LZIC: variants seen among roughly 807,000 people sequenced by gnomAD.
LZIC encodes protein LZIC.
Under a neutral mutation model 25.4 loss-of-function variants are expected in LZIC, and 28 were observed. The observed-to-expected ratio is 1.10, with a 90% confidence interval of 0.82 to 1.51. The LOEUF (loss-of-function observed/expected upper bound fraction) is 1.51. Ranked by LOEUF, LZIC falls within the 40% of genes most tolerant of loss-of-function variation. The pLI, the probability that LZIC is intolerant of heterozygous loss-of-function variation, is 0.00. For missense variants in LZIC, 170 were observed against 211.1 expected, an observed-to-expected ratio of 0.81 and a Z score of 1.21; for synonymous variants, 65 against 70.7, an observed-to-expected ratio of 0.92 and a Z score of 0.40.
downstream of LZIC, among the ~76,000 whole-genome samples, chr1:9,925,886 CTTTTTTTTTTTT>C (rs70998325): frequency 1.2e-4 from 5 of 43,476 alleles, no homozygotes; most frequent in Admixed American, 8.1e-4. Flanking sequence ...CCACTCATGC[CTTTTTTTTTTTT>C]TTTTTTTTTT....
rs1640020759 is a variant in LZIC at position 9,927,404 on chromosome 1, T to G, written c.*2995A>C. On this transcript the variant is annotated 3_prime_UTR_variant, in exon 8 of 8. Transcript: ENST00000377223. ...GCAACCTCTGCTTCCCAGGTTCAGG[T>G]GATCCTCTGACCTCAGCTTCCTGAG... Among the ~76,000 whole-genome samples, 1 of 152,008 alleles carries G rather than the reference T, an allele frequency of 6.6e-6. No individual in the cohort carries two copies. The highest frequency in any genetic ancestry group is 1.5e-5 in the Non-Finnish European group (1 of 68,010).
chr1:9,938,695 A>G (rs576772342), intron 2 of LZIC, among the ~76,000 whole-genome samples: 1 of 152,280 alleles, frequency 6.6e-6, no homozygotes, highest in African/African-American at 2.4e-5. Flanking sequence ...TCGTCTCCTG[A>G]CTAAATTTTA....
At chr1:9,933,306 A>ATG (rs1557438495) in intron 5 of LZIC, among the ~76,000 whole-genome samples, 3 of 134,964 alleles carry the variant, frequency 2.2e-5, no homozygotes, top group Non-Finnish European at 4.6e-5. Context: ...ATATATACAC[A>ATG]TACATATAGC....
rs1241067304 is a variant in LZIC, at chr1:9,930,401, A to T, written c.571T>A (p.Ter191ArgextTer29). 2.5e-5 allele frequency: 41 copies of T among 1,613,578 alleles called. No homozygotes were observed. The highest frequency in any genetic ancestry group is 3.0e-5 in the Non-Finnish European group (35 of 1,179,742). Residue 191 changes from the stop codon to arginine (R), a stop_lost, in exon 8 of 8, where the codon TGA becomes AGA. Coordinates refer to ENST00000377223, the MANE Select transcript of LZIC (RefSeq NM_032368.5). ...ASFEVEKTKK[*>R] ...ATGTTACAAGCTTCTGCACCATGTC[A>T]TTTTTTTGTTTTTTCAACCTCAAAA... is the stretch of plus-strand genomic sequence containing the variant.
rs370783382 is a variant in LZIC at position 9,936,658 on chromosome 1, T to C, written c.-8-31A>G. The C allele has an allele frequency of 3.1e-5, 44 of 1,404,294 alleles. No homozygotes were observed. In the African/African-American group the frequency reaches 3.4e-4, roughly 11 times the overall value. 87.0% of individuals were successfully genotyped at this position (1,404,294 alleles called of 1,614,324 possible). On this transcript the variant is annotated intron_variant, in intron 2 of 7. Coordinates refer to ENST00000377223, the MANE Select transcript of LZIC (RefSeq NM_032368.5). ...TGAAACAATAAACCCACATACCATA[T>C]GAAATTAACATACCAGTGCAATTTT...
intron 2 of LZIC, among the ~76,000 whole-genome samples, chr1:9,938,589 G>C (rs1339207140): frequency 6.6e-6 from 1 of 152,146 alleles, no homozygotes; most frequent in Non-Finnish European, 1.5e-5. Context: ...GTCTTGCTCT[G>C]TCACCCAGGC....
chr1:9,931,442 T>C lies in LZIC; in HGVS notation c.514+449A>G, dbSNP rs752821063. The stretch of plus-strand genomic sequence containing the variant: ...CACACCCAGCTAATTTTTTGTGTTT[T>C]TCGTAGAGACAGGGTTTCACTGTAT... On this transcript the variant is annotated intron_variant, in intron 7 of 7. Transcript: ENST00000377223. Among the ~76,000 whole-genome samples, 124 of 152,236 alleles carry C rather than the reference T, an allele frequency of 8.1e-4. 1 individual carries two copies. The highest frequency in any genetic ancestry group is 2.9e-3 in the Admixed American group (45 of 15,266).
downstream of LZIC, among the ~76,000 whole-genome samples, chr1:9,923,856 G>T (rs1183304278): frequency 6.6e-6 from 1 of 151,844 alleles, no homozygotes; most frequent in African/African-American, 2.4e-5. Flanking sequence ...AGGTTCAAGC[G>T]ATTCTCCCGC....
chr1:9,939,882 G>GCA (rs565076507), intron 2 of LZIC, among the ~76,000 whole-genome samples: 113 of 152,200 alleles, frequency 7.4e-4, no homozygotes, highest in African/African-American at 2.3e-3. Flanking sequence ...ACTTTAGGAG[G>GCA]CTAAGGCAGG....
chr1:9,934,227 C>CAA (rs5772390), intron 5 of LZIC, among the ~76,000 whole-genome samples: 29 of 119,334 alleles, frequency 2.4e-4, no homozygotes, highest in South Asian at 5.3e-4. Context: ...GACCCCATCT[C>CAA]AAAAAAAAAA....
chr1:9,929,799 A>T lies in LZIC; in HGVS notation c.*600T>A. On this transcript the variant is annotated 3_prime_UTR_variant, in exon 8 of 8. Transcript: ENST00000377223. The stretch of plus-strand genomic sequence containing the variant: ...ACAAATAGTGTTAATTATTTTTTTT[A>T]AATGGTACAGAAATAAAATTCAAAA... 1.0e-6 allele frequency: 1 copy of T among 984,310 alleles called. No homozygotes were observed. The highest frequency in any genetic ancestry group is 1.2e-6 in the Non-Finnish European group (1 of 828,944). The allele number at this position is 984,310 out of a possible 1,614,324, so 61.0% of individuals were successfully genotyped here. A position where few individuals can be genotyped will look rare whatever the true frequency, so the allele number is the denominator to read the frequency against.
rs979099277 is a variant in LZIC, at chr1:9,929,537, A to G, written c.*862T>C. 7.1e-6 allele frequency: 7 copies of G among 985,418 alleles called. No individual in the cohort carries two copies. In the East Asian group the frequency reaches 7.9e-4, roughly 112 times the overall value. 61.0% of individuals were successfully genotyped at this position (985,418 alleles called of 1,614,324 possible). A position where few individuals can be genotyped will look rare whatever the true frequency, so the allele number is the denominator to read the frequency against. On this transcript the variant is annotated 3_prime_UTR_variant, in exon 8 of 8. Coordinates refer to ENST00000377223, the MANE Select transcript of LZIC (RefSeq NM_032368.5). Reference sequence around the variant, plus strand: ...CAGTTACCCCCCTCTGAGTGTGACAAGAGGTCACGCACAGGGAGGGCCTCT... The same window carrying G: ...CAGTTACCCCCCTCTGAGTGTGACAGGAGGTCACGCACAGGGAGGGCCTCT...
chr1:9,940,813 CA>C (rs1463307425), intron 2 of LZIC, among the ~76,000 whole-genome samples: 1 of 152,094 alleles, frequency 6.6e-6, no homozygotes, highest in Non-Finnish European at 1.5e-5. Flanking sequence ...GTATTATACC[CA>C]GAAGTGTAAT....
chr1:9,932,499 A>G (rs1438721483), intron 6 of LZIC, among the ~76,000 whole-genome samples: 2 of 151,518 alleles, frequency 1.3e-5, no homozygotes, highest in African/African-American at 4.8e-5. Context: ...CCTGGCCAAC[A>G]TGGTGAAACC....
At chr1:9,934,987 C>T (rs1289452379) in intron 4 of LZIC, 127 bp from the exon 5 acceptor site, 1 of 741,506 alleles carries the variant, frequency 1.3e-6, no homozygotes, top group Non-Finnish European at 2.4e-6. Flanking sequence ...AATTACACAA[C>T]TAAATGAAGA....
intron 2 of LZIC, among the ~76,000 whole-genome samples, chr1:9,938,063 A>T (rs975157098): frequency 2.0e-5 from 3 of 152,066 alleles, no homozygotes; most frequent in Admixed American, 6.6e-5. Flanking sequence ...ATATATATAT[A>T]TATGTAGATC....
downstream of LZIC, among the ~76,000 whole-genome samples, chr1:9,925,628 C>T (rs1316048221): frequency 1.3e-5 from 2 of 152,002 alleles, no homozygotes; most frequent in Non-Finnish European, 1.5e-5. Context: ...TCTCCTCTGT[C>T]GCCCAGGCTG....
rs1639999000 is a variant in LZIC at position 9,926,771 on chromosome 1, T to C, written c.*3628A>G. Among the ~76,000 whole-genome samples the C allele has an allele frequency of 6.7e-6, 1 of 149,904 alleles. No individual in the cohort carries two copies. ...AAGAATGTTGAAAGGTTAGCTGCCT[T>C]AGCTTTATTGCTGCCTATAATCTCC... is the stretch of plus-strand genomic sequence containing the variant. On this transcript the variant is annotated 3_prime_UTR_variant, in exon 8 of 8. Transcript: ENST00000377223.
chr1:9,925,697 C>T (rs1570619434), downstream of LZIC, among the ~76,000 whole-genome samples: 1 of 152,132 alleles, frequency 6.6e-6, no homozygotes. Context: ...TCAAGTGATT[C>T]TCCTGCCTCA....
Sources: allele counts gnomAD v4.1 joint callset (sites outside exome capture counted in the v4.1 genomes callset), GRCh38; gene constraint gnomAD v4.1.1; transcripts MANE v1.5; gene names NCBI Gene and HGNC (gene_info 2026-07-23, HGNC 2026-07-21).